The following STAU2 variants were observed in gnomAD, a reference collection of about 807,000 sequenced individuals.
STAU2 encodes the protein double-stranded RNA-binding protein Staufen homolog 2.
Under a neutral mutation model 65.9 loss-of-function variants are expected in STAU2, and 20 were observed. The ratio of observed to expected loss-of-function variants is 0.30; its 90% CI spans 0.21 to 0.44. The LOEUF is 0.44. Among genes scored for constraint, STAU2 ranks in the 20% least tolerant of loss-of-function variants. The pLI is 1.00. For synonymous variants in STAU2, 232 were observed against 233.9 expected, an observed-to-expected ratio of 0.99 and a Z score of 0.07; for missense variants, 558 against 683.9, an observed-to-expected ratio of 0.82 and a Z score of 2.05.
chr8:73,508,919 T>C (rs1437027422), intron 13 of STAU2, among the ~76,000 whole-genome samples: 3 of 152,250 alleles, frequency 2.0e-5, no homozygotes, highest in Non-Finnish European at 4.4e-5. Context: ...GACATTTGAA[T>C]TGTTTCCAGT....
chr8:73,466,998 T>C (rs1370222856), intron 13 of STAU2, among the ~76,000 whole-genome samples: 1 of 152,228 alleles, frequency 6.6e-6, no homozygotes, highest in East Asian at 1.9e-4. Flanking sequence ...TTCTCGTTTG[T>C]CTTTCAAGGC....
intron 12 of STAU2, among the ~76,000 whole-genome samples, chr8:73,563,459 G>C (rs1438357776): frequency 1.3e-5 from 2 of 152,138 alleles, no homozygotes; most frequent in Non-Finnish European, 2.9e-5. Flanking sequence ...TGGGGGTAGG[G>C]GAAAGGGTAT....
At chr8:73,530,376 T>G (rs2128932714) in intron 13 of STAU2, among the ~76,000 whole-genome samples, 1 of 152,218 alleles carries the variant, frequency 6.6e-6, no homozygotes, top group African/African-American at 2.4e-5. Flanking sequence ...AACCCCCTTG[T>G]AAAAGTCAGT....
intron 3 of STAU2, among the ~76,000 whole-genome samples, chr8:73,711,545 C>A (rs1820902692): frequency 6.6e-6 from 1 of 152,092 alleles, no homozygotes; most frequent in Non-Finnish European, 1.5e-5. Context: ...TGTTACAATG[C>A]AAAACATATT....
At chr8:73,661,781 G>C (rs1408406824) in intron 6 of STAU2, among the ~76,000 whole-genome samples, 1 of 152,148 alleles carries the variant, frequency 6.6e-6, no homozygotes, top group Non-Finnish European at 1.5e-5. Context: ...CACAAGTTTT[G>C]CTGTTGAATA....
chr8:73,425,681 T>G (rs1026035516), intron 13 of STAU2, among the ~76,000 whole-genome samples: 5 of 152,234 alleles, frequency 3.3e-5, no homozygotes, highest in African/African-American at 1.2e-4. Flanking sequence ...AAAAATAGTT[T>G]TTTGTTACAG....
chr8:73,658,316 G>A (rs749363985), intron 6 of STAU2, among the ~76,000 whole-genome samples: 2 of 151,736 alleles, frequency 1.3e-5, no homozygotes, highest in Non-Finnish European at 2.9e-5. Flanking sequence ...TACAGTGAGC[G>A]AAGATCGTGC....
chr8:73,513,278 A>T (rs1433820082), intron 13 of STAU2, among the ~76,000 whole-genome samples: 1 of 152,120 alleles, frequency 6.6e-6, no homozygotes, highest in East Asian at 1.9e-4. Flanking sequence ...TTAATTTTTT[A>T]AAACTTATTT....
intron 13 of STAU2, chr8:73,527,724 A>C (rs779799752): frequency 6.5e-7 from 1 of 1,536,730 alleles, no homozygotes; most frequent in South Asian, 1.2e-5. Context: ...AGCTTCCAAT[A>C]GCATGGAAAG....
At chr8:73,569,334 C>T (rs1161530406) in intron 12 of STAU2, among the ~76,000 whole-genome samples, 1 of 152,270 alleles carries the variant, frequency 6.6e-6, no homozygotes, top group African/African-American at 2.4e-5. Context: ...GTGGAGCCCA[C>T]CACAGCTCAA....
At chr8:73,719,152 C>T (rs1356042039) in intron 3 of STAU2, among the ~76,000 whole-genome samples, 2 of 152,020 alleles carry the variant, frequency 1.3e-5, no homozygotes, top group African/African-American at 4.8e-5. Flanking sequence ...GCCTGTAATC[C>T]CAGCACTTTG....
intron 10 of STAU2, among the ~76,000 whole-genome samples, chr8:73,600,391 G>A (rs1811549342): frequency 6.6e-6 from 1 of 152,124 alleles, no homozygotes; most frequent in African/African-American, 2.4e-5. Flanking sequence ...TGACAAATCA[G>A]AAGCAGTCTT....
At chr8:73,701,870 T>C (rs963711356) in intron 4 of STAU2, among the ~76,000 whole-genome samples, 1 of 152,188 alleles carries the variant, frequency 6.6e-6, no homozygotes, top group African/African-American at 2.4e-5. Context: ...GTGGTATTTA[T>C]ACACAATGGA....
At position 73,474,197 on chromosome 8, in the gene STAU2, A is replaced by G. The variant is rs371427242; in HGVS notation, c.1531-51495T>C. On this transcript the variant is annotated intron_variant, in intron 13 of 14. Coordinates refer to ENST00000524300, the MANE Select transcript of STAU2 (RefSeq NM_001164380.2). ...ACAAAACCTGGGAAGCTTGAAGAGG[A>G]ATACCTGAAAATGGTTAGGCCTTTA... 6.5e-4 allele frequency among the ~76,000 whole-genome samples: 99 copies of G among 152,354 alleles called. No homozygotes were observed. In the South Asian group the frequency reaches 0.012, roughly 19 times the overall value.
At chr8:73,483,795 T>C (rs866695686) in intron 13 of STAU2, among the ~76,000 whole-genome samples, 7 of 152,230 alleles carry the variant, frequency 4.6e-5, no homozygotes, top group African/African-American at 1.4e-4. Context: ...GAAGGAGGTG[T>C]GATTGATACG....
intron 9 of STAU2, among the ~76,000 whole-genome samples, chr8:73,604,414 G>C (rs573486487): frequency 6.6e-5 from 10 of 152,108 alleles, no homozygotes; most frequent in African/African-American, 2.4e-4. Flanking sequence ...ATTTTTAGTA[G>C]AGATGGGGTT....
Position 73,421,261 on chromosome 8 carries a change from A to C in STAU2, c.*111T>G. 1 of 878,388 alleles carries C rather than the reference A, an allele frequency of 1.1e-6. No homozygotes were observed. The highest frequency in any genetic ancestry group is 1.8e-6 in the Non-Finnish European group (1 of 558,280). 54.4% of individuals were successfully genotyped at this position (878,388 alleles called of 1,614,324 possible). A position where few individuals can be genotyped will look rare whatever the true frequency, so the allele number is the denominator to read the frequency against. The stretch of plus-strand genomic sequence containing the variant: ...CTCGTGTTAGAATAGTGTTGTCTTC[A>C]CATAAGACTCAAATAATGGTATTAG... On this transcript the variant is annotated 3_prime_UTR_variant, in exon 15 of 15. Transcript: ENST00000524300.
At chr8:73,564,231 T>C (rs936628360) in intron 12 of STAU2, among the ~76,000 whole-genome samples, 4 of 152,200 alleles carry the variant, frequency 2.6e-5, no homozygotes, top group South Asian at 2.1e-4. Context: ...ATATTTTGGA[T>C]ACCTGGGATA....
rs780931616 is a variant in STAU2 at position 73,673,237 on chromosome 8, T to C, written c.280A>G (p.Ile94Val). The C allele has an allele frequency of 3.2e-6, 5 of 1,563,036 alleles. No individual in the cohort carries two copies. Among genetic ancestry groups the C allele is most frequent in the Middle Eastern group, 1.7e-4 (1 of 5,772 alleles). Residue 94 changes from isoleucine (I) to valine (V), a missense_variant, in exon 6 of 15, where the codon ATA (isoleucine) becomes GTA (valine). Physicochemically the swap from Ile to Val is conservative, Grantham distance 29 (BLOSUM62 3). Transcript: ENST00000524300. ...CCATTCAGTTCCACAGTTGGAGTTATACTGCCTGTTTAAAAAAAAAACATT... is the reference window on the plus strand; with the variant it reads ...CCATTCAGTTCCACAGTTGGAGTTACACTGCCTGTTTAAAAAAAAAACATT... ...KSNVNNNPGS[I>V]TPTVELNGLA... is the part of the protein sequence containing the mutation.
Sources: allele counts gnomAD v4.1 joint callset (sites outside exome capture counted in the v4.1 genomes callset), GRCh38; gene constraint gnomAD v4.1.1; transcripts MANE v1.5; gene names NCBI Gene and HGNC (gene_info 2026-07-23, HGNC 2026-07-21).